Variants in SNTG1 observed in about 807,000 individuals in gnomAD.
SNTG1 encodes the protein syntrophin gamma 1.
SNTG1 carries 39 observed loss-of-function variants against 74.7 expected under a neutral mutation model. The ratio of observed to expected loss-of-function variants is 0.52; its 90% CI spans 0.40 to 0.68. The LOEUF (loss-of-function observed/expected upper bound fraction) is 0.68, where lower values mean the gene tolerates loss of function less well. SNTG1 is among the 30% of genes least tolerant of loss of function. The probability of loss-of-function intolerance (pLI) is 0.00; values close to 1 mark genes in which losing one functional copy is unlikely to be tolerated. For synonymous variants in SNTG1, 254 were observed against 217.1 expected (o/e 1.17, Z -1.49); for missense variants, 685 against 609.5 (o/e 1.12, Z -1.30).
chr8:49,983,838 A>G (rs766448098), intron 1 of SNTG1, among the ~76,000 whole-genome samples: 4 of 152,252 alleles, frequency 2.6e-5, no homozygotes, highest in Non-Finnish European at 4.4e-5. Flanking sequence ...GCTCTACTGA[A>G]AATTTGAAAC....
intron 1 of SNTG1, among the ~76,000 whole-genome samples, chr8:49,953,735 T>C (rs1413938689): frequency 1.3e-5 from 2 of 152,220 alleles, no homozygotes; most frequent in Non-Finnish European, 2.9e-5. Context: ...ATTGGTATTG[T>C]TATTGCTGAT....
At chr8:50,031,781 A>T (rs1817757568) in intron 1 of SNTG1, among the ~76,000 whole-genome samples, 1 of 152,016 alleles carries the variant, frequency 6.6e-6, no homozygotes, top group African/African-American at 2.4e-5. Context: ...TATTGTCCGA[A>T]GTTTGTATGT....
intron 1 of SNTG1, among the ~76,000 whole-genome samples, chr8:50,032,821 A>G (rs575762988): frequency 7.4e-4 from 112 of 152,318 alleles, no homozygotes; most frequent in African/African-American, 2.6e-3. Flanking sequence ...ACCTGCTAAA[A>G]GTCCCAGGAA....
intron 2 of SNTG1, among the ~76,000 whole-genome samples, chr8:50,376,756 T>TATATATATATAGAGAGAGAGAGAG (rs1381048539): frequency 4.4e-5 from 4 of 89,986 alleles, no homozygotes; most frequent in Admixed American, 1.3e-4. Context: ...TATATATATA[T>TATATATATATAGAGAGAGAGAGAG]AGAGAGAGAG....
chr8:50,505,704 T>C (rs2094000528), intron 9 of SNTG1, among the ~76,000 whole-genome samples: 1 of 152,176 alleles, frequency 6.6e-6, no homozygotes, highest in South Asian at 2.1e-4. Context: ...ATCTGGTTAT[T>C]TGTTTTGCTG....
chr8:50,294,654 G>A (rs2089280260), intron 2 of SNTG1, among the ~76,000 whole-genome samples: 1 of 152,238 alleles, frequency 6.6e-6, no homozygotes, highest in Middle Eastern at 3.4e-3. Context: ...CCCATGTTAT[G>A]GCAAATCTGC....
intron 10 of SNTG1, among the ~76,000 whole-genome samples, chr8:50,531,892 A>G (rs569829954): frequency 1.3e-5 from 2 of 152,296 alleles, no homozygotes; most frequent in South Asian, 4.1e-4. Context: ...CAGAGGAGTC[A>G]GAGTGGCAGG....
At chr8:50,386,333 C>T (rs761560422) in intron 2 of SNTG1, among the ~76,000 whole-genome samples, 7 of 152,026 alleles carry the variant, frequency 4.6e-5, no homozygotes, top group Non-Finnish European at 7.4e-5. Flanking sequence ...ATTTCAGAAC[C>T]AGTGTCTGGT....
intron 1 of SNTG1, among the ~76,000 whole-genome samples, chr8:49,919,876 G>T (rs866585928): frequency 6.6e-6 from 1 of 151,954 alleles, no homozygotes; most frequent in Non-Finnish European, 1.5e-5. Flanking sequence ...TAAAACTCCC[G>T]AAAGTAGATT....
At chr8:50,553,895 ACTTGTCATCATCCATGC>A (rs1013964747) in intron 12 of SNTG1, among the ~76,000 whole-genome samples, 11 of 152,166 alleles carry the variant, frequency 7.2e-5, no homozygotes, top group African/African-American at 2.2e-4. Flanking sequence ...TAGAAAAAGT[ACTTGTCATCATCCATGC>A]CTTTGTGTTA....
At position 50,401,802 on chromosome 8, in the gene SNTG1, C is replaced by A. The variant is rs146327439; in HGVS notation, c.28-408C>A. 5.2e-3 allele frequency among the ~76,000 whole-genome samples: 785 copies of A among 151,996 alleles called. 15 individuals are homozygous for A. The highest frequency in any genetic ancestry group is 0.018 in the African/African-American group (755 of 41,450). ...AATTGATTACAGTGATGGTTGCACA[C>A]CATTGAGTATATTAAAAATACATGA... On this transcript the variant is annotated intron_variant, in intron 3 of 18. Transcript: ENST00000642720.
intron 1 of SNTG1, among the ~76,000 whole-genome samples, chr8:50,067,510 G>T (rs1471856171): frequency 6.6e-6 from 1 of 152,128 alleles, no homozygotes; most frequent in Admixed American, 6.5e-5. Context: ...AAATTAATCG[G>T]TTTCTCAAAC....
chr8:50,506,424 T>C (rs74824218), intron 9 of SNTG1, among the ~76,000 whole-genome samples: 5,972 of 152,144 alleles, frequency 0.039, 405 homozygotes, highest in African/African-American at 0.14. Flanking sequence ...AACCTGTAGA[T>C]TGCATTGCTT....
At chr8:50,279,727 G>T (rs2130409555) in intron 2 of SNTG1, among the ~76,000 whole-genome samples, 1 of 152,278 alleles carries the variant, frequency 6.6e-6, no homozygotes, top group East Asian at 1.9e-4. Context: ...TATTGCCAGA[G>T]TAGATCTCAA....
At chr8:50,356,773 A>C (rs2131040034) in intron 2 of SNTG1, among the ~76,000 whole-genome samples, 1 of 152,254 alleles carries the variant, frequency 6.6e-6, no homozygotes, top group Non-Finnish European at 1.5e-5. Flanking sequence ...CAGTTTCAAC[A>C]CCTGAATTTC....
At chr8:50,200,212 A>C (rs1003675544) in intron 2 of SNTG1, among the ~76,000 whole-genome samples, 1 of 152,136 alleles carries the variant, frequency 6.6e-6, no homozygotes, top group South Asian at 2.1e-4. Context: ...TCTCCACTTT[A>C]CACTGAAAAA....
chr8:50,164,092 C>CTTTTTTTTTTTTTTTTTTTTT (rs3086088), intron 1 of SNTG1: 3 of 71,998 alleles, frequency 4.2e-5, no homozygotes, highest in African/African-American at 1.4e-4. Flanking sequence ...GACACAATTT[C>CTTTTTTTTTTTTTTTTTTTTT]TTTTTTTTTT....
intron 18 of SNTG1, among the ~76,000 whole-genome samples, chr8:50,771,425 A>T (rs183374778): frequency 6.6e-6 from 1 of 152,286 alleles, no homozygotes; most frequent in Admixed American, 6.5e-5. Context: ...TTCAGGTAGT[A>T]AAGCATTCAG....
At chr8:50,734,893 A>AT (rs2095523543) in intron 17 of SNTG1, among the ~76,000 whole-genome samples, 1 of 140,096 alleles carries the variant, frequency 7.1e-6, no homozygotes, top group East Asian at 2.1e-4. Flanking sequence ...ATCTATATAT[A>AT]TGGACATATA....
Sources: allele counts gnomAD v4.1 joint callset (sites outside exome capture counted in the v4.1 genomes callset), GRCh38; gene constraint gnomAD v4.1.1; transcripts MANE v1.5; gene names NCBI Gene and HGNC (gene_info 2026-07-23, HGNC 2026-07-21).